Variants in RBM44 observed in about 807,000 individuals in gnomAD.
RBM44 encodes the protein RNA binding motif protein 44.
Under a neutral mutation model 105.1 loss-of-function variants are expected in RBM44, and 66 were observed. That is an observed-to-expected ratio of 0.63 (90% CI 0.52 to 0.77). The LOEUF is 0.77. RBM44 is among the 30% of genes least tolerant of loss of function. The pLI is 0.00. For missense variants in RBM44, 1,122 were observed against 1,207.8 expected (o/e 0.93, Z 1.05); for synonymous variants, 365 against 417.6 (o/e 0.87, Z 1.54).
intron 1 of RBM44, among the ~76,000 whole-genome samples, chr2:237,804,871 A>G (rs2061582657): frequency 6.6e-6 from 1 of 152,174 alleles, no homozygotes; most frequent in Non-Finnish European, 1.5e-5. Context: ...TTGCCAAGGC[A>G]AACCAACAGC....
rs555610555 is a variant in RBM44, at chr2:237,817,090, G to A, written c.171G>A (p.Ser57=). The change falls in exon 3 of 16, where the codon TCG becomes TCA. Residue 57 remains serine, a synonymous_variant. Coordinates refer to ENST00000316997, the MANE Select transcript of RBM44 (RefSeq NM_001080504.3). The stretch of plus-strand genomic sequence containing the variant: ...TTCCTGATGATGACTGGAATTCTTC[G>A]ACACTAGAGCAAAGAGCTAATAATA... ...LTFPDDDWNS[S]TLEQRANNKE... 1.3e-5 allele frequency: 21 copies of A among 1,606,494 alleles called. 1 individual carries two copies. Among genetic ancestry groups the A allele is most frequent in the South Asian group, 1.0e-4 (9 of 90,194 alleles).
intron 5 of RBM44, chr2:237,820,821 G>A (rs1576507593): frequency 3.0e-6 from 1 of 335,248 alleles, no homozygotes. Flanking sequence ...GCTGAGGCAG[G>A]AGAATCACTT....
intron 1 of RBM44, among the ~76,000 whole-genome samples, chr2:237,810,791 C>G (rs1305286530): frequency 2.0e-5 from 3 of 152,058 alleles, no homozygotes. Flanking sequence ...ACAAACCTAG[C>G]CAGAGTTCAT....
chr2:237,829,020 T>C (rs1383941530), intron 12 of RBM44, among the ~76,000 whole-genome samples, 197 bp from the exon 13 acceptor site: 2 of 152,210 alleles, frequency 1.3e-5, no homozygotes, highest in Non-Finnish European at 2.9e-5. Flanking sequence ...TTCTTCTATT[T>C]CCCATCTTTA....
In RBM44 at chr2:237,802,459, C is replaced by T. The variant is rs186589832; in HGVS notation, c.-19+3598C>T. ...CTACCCTACCTCCAATCCTCTGGTC[C>T]GTGGAAAAATTATCTTCCACAAAAC... is the stretch of plus-strand genomic sequence containing the variant. On this transcript the variant is annotated intron_variant, in intron 1 of 15. Transcript: ENST00000316997. Among the ~76,000 whole-genome samples, 7 of 152,218 alleles carry T rather than the reference C, an allele frequency of 4.6e-5. No individual in the cohort carries two copies. In the South Asian group the frequency reaches 6.2e-4, roughly 14 times the overall value.
chr2:237,812,643 C>T (rs2061671094), intron 1 of RBM44, among the ~76,000 whole-genome samples: 2 of 152,024 alleles, frequency 1.3e-5, no homozygotes, highest in Non-Finnish European at 2.9e-5. Context: ...CCAAATTCAT[C>T]AGGAACCTTT....
chr2:237,817,150 A>G lies in RBM44; in HGVS notation c.231A>G (p.Leu77=), dbSNP rs1488822461. Residue 77 remains leucine (L), a synonymous_variant, in exon 3 of 16, where the codon TTA becomes TTG. Transcript: ENST00000316997. ...EISNIDKMDL[L]EPFFSVSQDT... Reference sequence around the variant, plus strand: ...GCAATATTGACAAAATGGATTTATTAGAGCCATTTTTTTCAGTGAGTCAAG... The same window carrying G: ...GCAATATTGACAAAATGGATTTATTGGAGCCATTTTTTTCAGTGAGTCAAG... 17 of 1,607,556 alleles carry G rather than the reference A, an allele frequency of 1.1e-5. No homozygotes were observed. The highest frequency in any genetic ancestry group is 1.4e-5 in the Non-Finnish European group (16 of 1,177,724).
Position 237,818,252 on chromosome 2 carries a change from A to G in RBM44, c.1333A>G (p.Asn445Asp). The G allele has an allele frequency of 6.2e-7, 1 of 1,613,230 alleles. No individual in the cohort carries two copies. The highest frequency in any genetic ancestry group is 2.2e-5 in the East Asian group (1 of 44,862). ...SSTTKKTCFHNIGEMCTKSLT... is the reference protein window; with the variant it reads ...SSTTKKTCFHDIGEMCTKSLT... Reference sequence around the variant, plus strand: ...TACCACAAAGAAAACATGCTTTCACAATATAGGAGAAATGTGTACTAAATC... The same window carrying G: ...TACCACAAAGAAAACATGCTTTCACGATATAGGAGAAATGTGTACTAAATC... Residue 445 changes from asparagine (N) to aspartate (D), a missense_variant, in exon 3 of 16, where the codon AAT becomes GAT. Physicochemically the swap from Asn to Asp is conservative, Grantham distance 23. Coordinates refer to ENST00000316997, the MANE Select transcript of RBM44 (RefSeq NM_001080504.3). This position sits in a 1 kb window ranked among gnomAD's most constrained non-coding sequence, Gnocchi z 4.6.
In RBM44 at chr2:237,829,514, T is replaced by A. The variant is rs1482283913; in HGVS notation, c.2886+12T>A. 10 of 1,598,820 alleles carry A rather than the reference T, an allele frequency of 6.3e-6. No homozygotes were observed. The highest frequency in any genetic ancestry group is 8.5e-6 in the Non-Finnish European group (10 of 1,173,892). Reference sequence around the variant, plus strand: ...TCCCTTCCGACCAGGTTAGTGTTTTTGATAGATCCCTTAAATGGTCTTTGT... The same window carrying A: ...TCCCTTCCGACCAGGTTAGTGTTTTAGATAGATCCCTTAAATGGTCTTTGT... On this transcript the variant is annotated intron_variant, in intron 13 of 15. Coordinates refer to ENST00000316997, the MANE Select transcript of RBM44 (RefSeq NM_001080504.3).
intron 1 of RBM44, among the ~76,000 whole-genome samples, chr2:237,810,859 C>CA (rs2061651791): frequency 6.6e-6 from 1 of 152,138 alleles, no homozygotes; most frequent in African/African-American, 2.4e-5. Context: ...CCTCCAGCAT[C>CA]AAAAGGCCAC....
chr2:237,837,312 A>G (rs1037561510), intron 15 of RBM44, among the ~76,000 whole-genome samples: 7 of 152,174 alleles, frequency 4.6e-5, no homozygotes, highest in African/African-American at 1.7e-4. Flanking sequence ...TAAGAAATAC[A>G]TTTCATAAGG....
intron 13 of RBM44, 41 bp downstream of exon 13, chr2:237,829,543 T>C (rs749054268): frequency 1.3e-6 from 2 of 1,524,440 alleles, no homozygotes; most frequent in Non-Finnish European, 1.8e-6. Context: ...TCTTTGTACG[T>C]CATATTGCTG....
rs891236737 is a variant in RBM44 at position 237,827,337 on chromosome 2, A to C, written c.2529+8A>C. On this transcript the variant is annotated splice_region_variant and intron_variant, in intron 11 of 15. Transcript: ENST00000316997. The stretch of plus-strand genomic sequence containing the variant: ...TGCCCTTCAGTATCTGAGGTATACC[A>C]GGATTATTTTTTTGAGCTTCATTTT... The C allele has an allele frequency of 1.9e-5, 29 of 1,544,174 alleles. No homozygotes were observed. The highest frequency in any genetic ancestry group is 2.4e-5 in the Non-Finnish European group (27 of 1,128,988).
At chr2:237,801,579 G>A (rs1297267003) in intron 1 of RBM44, among the ~76,000 whole-genome samples, 4 of 152,020 alleles carry the variant, frequency 2.6e-5, no homozygotes, top group Admixed American at 2.0e-4. Flanking sequence ...CACCTGCCTC[G>A]GCCTCCTAAA....
In RBM44 at chr2:237,817,803, A is replaced by G; in HGVS notation, c.884A>G (p.Asp295Gly). 6.2e-7 allele frequency: 1 copy of G among 1,612,300 alleles called. No individual in the cohort carries two copies. ...ETNSMYHTVF[D>G]GSVLRSNSPG... is the part of the protein sequence containing the mutation. ...AATTCAATGTACCACACTGTATTTGATGGCAGTGTACTAAGAAGCAATTCT... is the reference window on the plus strand; with the variant it reads ...AATTCAATGTACCACACTGTATTTGGTGGCAGTGTACTAAGAAGCAATTCT... The change falls in exon 3 of 16, where the codon GAT (aspartate) becomes GGT (glycine). Residue 295 changes from aspartate to glycine, a missense_variant. Physicochemically the swap from Asp to Gly is moderately conservative, Grantham distance 94 (BLOSUM62 -1). Transcript: ENST00000316997.
intron 9 of RBM44, 40 bp from the exon 10 acceptor site, chr2:237,824,251 G>T: frequency 1.9e-6 from 3 of 1,606,094 alleles, no homozygotes; most frequent in Non-Finnish European, 1.7e-6. Context: ...TGTGTTGGAC[G>T]TTACGTGTCA....
rs368979801 is a variant in RBM44 at position 237,812,813 on chromosome 2, AT to A, written c.-18-777del. 4.5e-4 allele frequency among the ~76,000 whole-genome samples: 68 copies of A among 152,220 alleles called. 2 individuals carry two copies. The highest frequency in any genetic ancestry group is 1.6e-3 in the African/African-American group (65 of 41,522). On this transcript the variant is annotated intron_variant, in intron 1 of 15. Coordinates refer to ENST00000316997, the MANE Select transcript of RBM44 (RefSeq NM_001080504.3). ...GATCATTTCATGTGTCCATTGGGAT[AT>A]TCTACCAGTAATTAGCTTGGGCTGC...
intron 10 of RBM44, among the ~76,000 whole-genome samples, 161 bp from the exon 11 acceptor site, chr2:237,827,089 G>A (rs1351570428): frequency 6.6e-6 from 1 of 152,130 alleles, no homozygotes; most frequent in East Asian, 1.9e-4. Context: ...TATATTGCAG[G>A]CTCTTAGTCC....
chr2:237,815,902 A>G (rs914002139), intron 2 of RBM44, among the ~76,000 whole-genome samples: 1 of 152,038 alleles, frequency 6.6e-6, no homozygotes, highest in African/African-American at 2.4e-5. Flanking sequence ...GTTGCCAGGA[A>G]TGACTACAAC....
Sources: gnomAD v4.1 joint callset for allele counts (sites outside exome capture counted in the v4.1 genomes callset) on GRCh38, gnomAD v4.1.1 for gene constraint, Gnocchi (gnomAD v3.1) non-coding constraint, MANE v1.5 for transcripts, NCBI Gene and HGNC (gene_info 2026-07-23, HGNC 2026-07-21) for gene names.